The following TASOR2 variants were observed in gnomAD, a reference collection of about 807,000 sequenced individuals.
The protein encoded by TASOR2 is transcription activation suppressor family member 2.
Under a neutral mutation model 199.5 loss-of-function variants are expected in TASOR2, and 84 were observed. That is an observed-to-expected ratio of 0.42 (90% confidence interval 0.35 to 0.50). TASOR2 has a LOEUF of 0.50. Ranked by LOEUF, TASOR2 falls within the 20% of genes least tolerant of loss-of-function variation. The probability of loss-of-function intolerance (pLI) is 0.02; values close to 1 mark genes in which losing one functional copy is unlikely to be tolerated. For synonymous variants in TASOR2, 1,103 were observed against 1,046.6 expected (o/e 1.05, Z -1.04); for missense variants, 2,796 against 2,835.9 (o/e 0.99, Z 0.32).
chr10:5,695,998 T>C (rs1291087569), intron 1 of TASOR2, among the ~76,000 whole-genome samples: 1 of 152,084 alleles, frequency 6.6e-6, no homozygotes. Flanking sequence ...AGACAACTAC[T>C]CTCTCCTCTA....
Position 5,742,388 on chromosome 10 carries a change from C to G in TASOR2, c.2619C>G (p.Cys873Trp), listed in dbSNP as rs1836560756. 4 of 1,614,110 alleles carry G rather than the reference C, an allele frequency of 2.5e-6. No homozygotes were observed. The highest frequency in any genetic ancestry group is 3.4e-6 in the Non-Finnish European group (4 of 1,180,016). ...AAGTATCCTTCCGTGATCCTAACTGCTTGCTTCCTTTCATTAAAACACCAC... is the reference window on the plus strand; with the variant it reads ...AAGTATCCTTCCGTGATCCTAACTGGTTGCTTCCTTTCATTAAAACACCAC... Residue 873 changes from cysteine to tryptophan, a missense_variant, in exon 14 of 21, where the codon TGC (cysteine) becomes TGG (tryptophan). Cys to Trp is a radical substitution (Grantham distance 215, BLOSUM62 -2). This residue lies in a region of TASOR2 where 1,941 missense variants were observed against 1,924.9 expected (regional missense o/e 1.01). Coordinates refer to ENST00000328090, the Ensembl canonical transcript of TASOR2. The surrounding 1 kb of genome is among the most constrained non-coding windows in gnomAD (Gnocchi z 4.2).
chr10:5,743,520 T>C (rs1007680387), intron 14 of TASOR2, among the ~76,000 whole-genome samples: 16 of 152,070 alleles, frequency 1.1e-4, no homozygotes, highest in African/African-American at 3.9e-4. Flanking sequence ...ACATAGAAAA[T>C]TGTCAAGCCA....
chr10:5,757,139 T>TA (rs77976566), intron 16 of TASOR2, among the ~76,000 whole-genome samples: 14,166 of 152,296 alleles, frequency 0.093, 776 homozygotes, highest in East Asian at 0.13. Flanking sequence ...GCTGGGTGCA[T>TA]AAACCTGCCG....
chr10:5,712,355 A>G (rs1832033559), intron 1 of TASOR2: 1 of 1,228,762 alleles, frequency 8.1e-7, no homozygotes, highest in Non-Finnish European at 1.0e-6. Context: ...ATCCTTTGGA[A>G]TCTTAAATAG....
rs1478314742 is a variant in TASOR2 at position 5,687,348 on chromosome 10, C to T, written c.-288+2173C>T. ...ACAGTTTTATCACCTATATAGATAT[C>T]CTTAACTAGCATTGTTTACTCTTAC... On this transcript the variant is annotated intron_variant, in intron 1 of 20. Transcript: ENST00000328090. The surrounding 1 kb of genome is among the most constrained non-coding windows in gnomAD (Gnocchi z 4.8). Among the ~76,000 whole-genome samples the T allele has an allele frequency of 6.6e-6, 1 of 152,132 alleles. No individual in the cohort carries two copies. Among genetic ancestry groups the T allele is most frequent in the African/African-American group, 2.4e-5 (1 of 41,398 alleles).
exon 15 of TASOR2, chr10:5,746,432 A>C (rs1837221361): frequency 6.2e-7 from 1 of 1,614,172 alleles, no homozygotes; most frequent in Non-Finnish European, 8.5e-7. Context: ...AACAAAGTGG[A>C]TATTCTTGAT....
intron 18 of TASOR2, 93 bp from the exon 20 acceptor site, chr10:5,761,197 A>G (rs1301586883): frequency 9.6e-7 from 1 of 1,040,610 alleles, no homozygotes; most frequent in Non-Finnish European, 1.4e-6. Context: ...AAGGCAGAGG[A>G]ACTCATGAGT....
At chr10:5,724,073 A>C (rs916484348) in intron 7 of TASOR2, among the ~76,000 whole-genome samples, 9 of 152,232 alleles carry the variant, frequency 5.9e-5, no homozygotes, top group African/African-American at 2.2e-4. Context: ...CCTCTCGAGG[A>C]CAGAGTTTTT....
chr10:5,713,925 C>T, intron 2 of TASOR2: 1 of 337,590 alleles, frequency 3.0e-6, no homozygotes, highest in Non-Finnish European at 5.3e-6. Context: ...AGGCCAGATG[C>T]AGTTGTGCCT....
Position 5,720,799 on chromosome 10 carries a change from T to C in TASOR2, c.46+25T>C. On this transcript the variant is annotated intron_variant, in intron 5 of 20. Coordinates refer to ENST00000328090, the Ensembl canonical transcript of TASOR2. This position sits in a 1 kb window ranked among gnomAD's most constrained non-coding sequence, Gnocchi z 5.3. ...GGTAAGAAATAGTTCATTGATTCTT[T>C]TAGGTTTTTTTTTTCTTGAGTAAAT... 1.2e-6 allele frequency: 2 copies of C among 1,601,912 alleles called. No homozygotes were observed. The highest frequency in any genetic ancestry group is 1.7e-6 in the Non-Finnish European group (2 of 1,176,708).
rs199923319 is a variant in TASOR2 at position 5,730,276 on chromosome 10, AGT to A, written c.488-200_488-199del. On this transcript the variant is annotated intron_variant, in intron 10 of 20. Coordinates refer to ENST00000328090, the Ensembl canonical transcript of TASOR2. The surrounding 1 kb of genome is among the most constrained non-coding windows in gnomAD (Gnocchi z 4.1). ...ATGTCAGATGATTCTTTTTCAGTTC[AGT>A]GTGTGTGTGTATGTAATTTCAAGTA... is the stretch of plus-strand genomic sequence containing the variant. 4.3e-3 allele frequency among the ~76,000 whole-genome samples: 660 copies of A among 152,074 alleles called. 4 individuals carry two copies. The highest frequency in any genetic ancestry group is 0.015 in the African/African-American group (626 of 41,474).
chr10:5,743,901 C>CAT (rs1375341012), intron 14 of TASOR2: 5 of 1,660 alleles, frequency 3.0e-3, no homozygotes, highest in South Asian at 0.14. Context: ...ACTTGAAAGG[C>CAT]ACACGTGTGC....
chr10:5,756,729 T>A (rs1460283321), exon 16 of TASOR2: 2 of 1,612,184 alleles, frequency 1.2e-6, no homozygotes, highest in Non-Finnish European at 1.7e-6. Context: ...TATCATCACA[T>A]TTGCATCAGG....
rs544971904 is a variant in TASOR2, at chr10:5,751,519, G to T, written c.6606+1492G>T. 6.6e-6 allele frequency among the ~76,000 whole-genome samples: 1 copy of T among 152,332 alleles called. No homozygotes were observed. The highest frequency in any genetic ancestry group is 2.1e-4 in the South Asian group (1 of 4,824). The stretch of plus-strand genomic sequence containing the variant: ...TTATTTTAATACTTAGATTGTCCCA[G>T]ACCCAGCCAGTGGGAGTCCCTTTAA... On this transcript the variant is annotated intron_variant, in intron 15 of 20. Coordinates refer to ENST00000328090, the Ensembl canonical transcript of TASOR2. The surrounding 1 kb of genome is among the most constrained non-coding windows in gnomAD (Gnocchi z 5.3).
At chr10:5,696,490 G>A (rs539052441) in intron 1 of TASOR2, among the ~76,000 whole-genome samples, 4 of 152,284 alleles carry the variant, frequency 2.6e-5, no homozygotes, top group African/African-American at 9.6e-5. Context: ...CTGGGTAGCC[G>A]GGAATACAGG....
chr10:5,685,003 G>T lies in TASOR2; in HGVS notation c.-460G>T, dbSNP rs372827881. 4.8e-4 allele frequency: 189 copies of T among 397,718 alleles called. No individual in the cohort carries two copies. The highest frequency in any genetic ancestry group is 3.7e-3 in the African/African-American group (182 of 48,712). The allele number at this position is 397,718 out of a possible 1,614,324, so 24.6% of individuals were successfully genotyped here. A position where few individuals can be genotyped will look rare whatever the true frequency, so the allele number is the denominator to read the frequency against. ...CGAGGACCCCGGGGCTGGGGCGGAC[G>T]GCGTGCCCCTGAGGGGGGTCCCCGC... On this transcript the variant is annotated 5_prime_UTR_variant, in exon 1 of 21. Transcript: ENST00000328090. This position sits in a 1 kb window ranked among gnomAD's most constrained non-coding sequence, Gnocchi z 5.4.
At chr10:5,697,367 A>C (rs1837288937) in intron 1 of TASOR2, among the ~76,000 whole-genome samples, 1 of 152,194 alleles carries the variant, frequency 6.6e-6, no homozygotes, top group South Asian at 2.1e-4. Flanking sequence ...GACAAAGATA[A>C]AGTTGCGCAG....
At chr10:5,700,302 T>A (rs531088318) in intron 1 of TASOR2, among the ~76,000 whole-genome samples, 2 of 152,282 alleles carry the variant, frequency 1.3e-5, no homozygotes, top group African/African-American at 4.8e-5. Flanking sequence ...TAATATTGCA[T>A]TGTGTATACT....
At chr10:5,749,214 A>G in exon 15 of TASOR2, 1 of 1,614,130 alleles carries the variant, frequency 6.2e-7, no homozygotes, top group Non-Finnish European at 8.5e-7. Context: ...TCTCTATAAC[A>G]AAAGAACTCA....
Sources: gnomAD v4.1 joint callset for allele counts (sites outside exome capture counted in the v4.1 genomes callset) on GRCh38, gnomAD v4.1.1 for gene constraint, gnomAD v4.1.1 regional missense constraint, Gnocchi (gnomAD v3.1) non-coding constraint, MANE v1.5 for transcripts, NCBI Gene and HGNC (gene_info 2026-07-23, HGNC 2026-07-21) for gene names.